FAM83F: variants seen among roughly 807,000 people sequenced by gnomAD.
The protein encoded by FAM83F is protein FAM83F.
Under a neutral mutation model 42.9 loss-of-function variants are expected in FAM83F, and 45 were observed. That is an observed-to-expected ratio of 1.05 (90% CI 0.83 to 1.35). The LOEUF (loss-of-function observed/expected upper bound fraction) is 1.35. FAM83F is among the 40% of genes most tolerant of loss of function. The probability of loss-of-function intolerance (pLI) is 0.00; values close to 1 mark genes in which losing one functional copy is unlikely to be tolerated. For missense variants in FAM83F, 617 were observed against 695.9 expected (o/e 0.89, Z 1.28); for synonymous variants, 306 against 298.3 (o/e 1.03, Z -0.27).
chr22:40,021,884 C>A lies in FAM83F; in HGVS notation c.1374C>A (p.Ser458Arg). The A allele has an allele frequency of 6.2e-7, 1 of 1,605,848 alleles. No homozygotes were observed. ...CTGCGGCGCCCAATGGCATGGCCAG[C>A]TCTGTCTCCACCGAGACCTCTGAAG... The part of the protein sequence containing the change: ...KRPAAPNGMA[S>R]SVSTETSEVE... Residue 458 changes from serine (S) to arginine (R), a missense_variant, in exon 4 of 5, where the codon AGC becomes AGA. Transcript: ENST00000333407. The surrounding 1 kb of genome is among the most constrained non-coding windows in gnomAD (Gnocchi z 8.7).
At position 40,021,926 on chromosome 22, in the gene FAM83F, G is replaced by C. The variant is rs2067525545; in HGVS notation, c.1416G>C (p.Gly472=). 6.3e-7 allele frequency: 1 copy of C among 1,579,442 alleles called. No individual in the cohort carries two copies. The highest frequency in any genetic ancestry group is 8.6e-7 in the Non-Finnish European group (1 of 1,161,444). The change falls in exon 4 of 5, where the codon GGG becomes GGC. Residue 472 remains glycine (G), a synonymous_variant. Transcript: ENST00000333407. This position sits in a 1 kb window ranked among gnomAD's most constrained non-coding sequence, Gnocchi z 8.7. ...TETSEVEFLT[G]KRPNENSSAD... ...CCTCTGAAGTGGAGTTTCTGACGGG[G>C]AAGAGGCCCAACGAGAATTCCAGTG...
At chr22:40,005,063 A>G (rs778292196) in intron 1 of FAM83F, among the ~76,000 whole-genome samples, 1 of 152,164 alleles carries the variant, frequency 6.6e-6, no homozygotes, top group Non-Finnish European at 1.5e-5. Context: ...TGCACTCTCA[A>G]CTTGCCTCCG....
At position 40,029,773 on chromosome 22, in the gene FAM83F, T is replaced by A; in HGVS notation, c.*208T>A. The A allele has an allele frequency of 1.5e-6, 1 of 684,414 alleles. No homozygotes were observed. Among genetic ancestry groups the A allele is most frequent in the Non-Finnish European group, 2.4e-6 (1 of 425,362 alleles). 42.4% of individuals were successfully genotyped at this position (684,414 alleles called of 1,614,324 possible). ...TCACACGCCTCCACCGGACTGTCGG[T>A]GGCTGGGCAGGGGTCAGTGCCACGG... On this transcript the variant is annotated 3_prime_UTR_variant, in exon 5 of 5. Transcript: ENST00000333407.
chr22:40,022,156 C>T (rs2067527190), intron 4 of FAM83F, among the ~76,000 whole-genome samples, 193 bp downstream of exon 4: 1 of 152,200 alleles, frequency 6.6e-6, no homozygotes, highest in Admixed American at 6.5e-5. Flanking sequence ...TGCCTGGAGG[C>T]CTTGGGCAAG....
chr22:40,019,271 A>G lies in FAM83F; in HGVS notation c.593A>G (p.Glu198Gly). ...GTCCCAGTGTACATCATCCTGGACG[A>G]GGCAGGAGTGAAGTATTTCCTGGAG... The part of the protein sequence containing the change: ...RRVPVYIILD[E>G]AGVKYFLEMC... The change falls in exon 2 of 5, where the codon GAG becomes GGG. Residue 198 changes from glutamate (E) to glycine (G), a missense_variant. Transcript: ENST00000333407. 6.2e-7 allele frequency: 1 copy of G among 1,614,140 alleles called. No homozygotes were observed. The highest frequency in any genetic ancestry group is 8.5e-7 in the Non-Finnish European group (1 of 1,180,008).
In FAM83F at chr22:40,021,074, C is replaced by G. The variant is rs2067517169; in HGVS notation, c.780-216C>G. On this transcript the variant is annotated intron_variant, in intron 3 of 4. Coordinates refer to ENST00000333407, the MANE Select transcript of FAM83F (RefSeq NM_138435.4). This position sits in a 1 kb window ranked among gnomAD's most constrained non-coding sequence, Gnocchi z 8.7. ...GCAGGCCTGACTTCCCATGCTCTTTCCCTGCACCCACTGCCTGCTTGCTTC... is the reference window on the plus strand; with the variant it reads ...GCAGGCCTGACTTCCCATGCTCTTTGCCTGCACCCACTGCCTGCTTGCTTC... Among the ~76,000 whole-genome samples the G allele has an allele frequency of 6.6e-6, 1 of 152,240 alleles. No individual in the cohort carries two copies. Among genetic ancestry groups the G allele is most frequent in the African/African-American group, 2.4e-5 (1 of 41,466 alleles).
chr22:40,014,492 CT>C (rs2067484006), intron 1 of FAM83F, among the ~76,000 whole-genome samples: 1 of 152,112 alleles, frequency 6.6e-6, no homozygotes, highest in South Asian at 2.1e-4. Flanking sequence ...TTAGGATAAA[CT>C]TTACTTGCTT....
At position 39,995,607 on chromosome 22, in the gene FAM83F, A is replaced by G; in HGVS notation, c.489+76A>G. On this transcript the variant is annotated intron_variant, in intron 1 of 4. Transcript: ENST00000333407. The surrounding 1 kb of genome is among the most constrained non-coding windows in gnomAD (Gnocchi z 4.6). The stretch of plus-strand genomic sequence containing the variant: ...CTGGACCGGGCCCCACCTCCCAGGC[A>G]GGGCCCGGGGCAGGCCGCCCTGAGC... The G allele has an allele frequency of 2.1e-6, 3 of 1,450,078 alleles. No individual in the cohort carries two copies. Among genetic ancestry groups the G allele is most frequent in the Non-Finnish European group, 2.7e-6 (3 of 1,099,834 alleles). The allele number at this position is 1,450,078 out of a possible 1,614,324, so 89.8% of individuals were successfully genotyped here. A position where few individuals can be genotyped will look rare whatever the true frequency, so the allele number is the denominator to read the frequency against.
chr22:40,002,956 A>G (rs2067409644), intron 1 of FAM83F, among the ~76,000 whole-genome samples: 1 of 152,154 alleles, frequency 6.6e-6, no homozygotes, highest in South Asian at 2.1e-4. Flanking sequence ...AACTCAGAAG[A>G]GGCTGGGGGA....
At chr22:40,002,755 C>G (rs2067408940) in intron 1 of FAM83F, among the ~76,000 whole-genome samples, 1 of 152,182 alleles carries the variant, frequency 6.6e-6, no homozygotes, top group Non-Finnish European at 1.5e-5. Flanking sequence ...GAACCTAGTT[C>G]AAGGCTATGA....
In FAM83F at chr22:40,034,277, A is replaced by T; in HGVS notation, c.*4712A>T. On this transcript the variant is annotated 3_prime_UTR_variant, in exon 5 of 5. Coordinates refer to ENST00000333407, the MANE Select transcript of FAM83F (RefSeq NM_138435.4). ...CCAAAGGACGTAGTGGCTGCTGCTGATCGTCTGCACTGCTGTTCCAGGGGC... is the reference window on the plus strand; with the variant it reads ...CCAAAGGACGTAGTGGCTGCTGCTGTTCGTCTGCACTGCTGTTCCAGGGGC... The T allele has an allele frequency of 6.6e-6, 1 of 152,282 alleles. No individual in the cohort carries two copies. Among genetic ancestry groups the T allele is most frequent in the Non-Finnish European group, 1.5e-5 (1 of 68,086 alleles). 9.4% of individuals were successfully genotyped at this position (152,282 alleles called of 1,614,324 possible).
At chr22:40,027,919 T>G (rs945648516) in intron 4 of FAM83F, among the ~76,000 whole-genome samples, 30 of 151,992 alleles carry the variant, frequency 2.0e-4, no homozygotes, top group African/African-American at 7.3e-4. Flanking sequence ...GGAGGTTGAT[T>G]TGCTTACCTG....
chr22:40,030,735 G>T lies in FAM83F; in HGVS notation c.*1170G>T, dbSNP rs1363272071. 6.6e-6 allele frequency: 1 copy of T among 152,320 alleles called. No homozygotes were observed. Among genetic ancestry groups the T allele is most frequent in the Non-Finnish European group, 1.5e-5 (1 of 68,122 alleles). The allele number at this position is 152,320 out of a possible 1,614,324, so 9.4% of individuals were successfully genotyped here. A position where few individuals can be genotyped will look rare whatever the true frequency, so the allele number is the denominator to read the frequency against. ...TGGACCTGGGAGAAATTGCCAAACTGCAGACTCTGTGAGCCGGCCCTGCCG... is the reference window on the plus strand; with the variant it reads ...TGGACCTGGGAGAAATTGCCAAACTTCAGACTCTGTGAGCCGGCCCTGCCG... On this transcript the variant is annotated 3_prime_UTR_variant, in exon 5 of 5. Transcript: ENST00000333407.
At chr22:40,003,411 C>T (rs751525710) in intron 1 of FAM83F, among the ~76,000 whole-genome samples, 3 of 152,128 alleles carry the variant, frequency 2.0e-5, no homozygotes, top group Non-Finnish European at 4.4e-5. Context: ...CCAGATCTGC[C>T]TCCCTTTTCT....
At chr22:40,003,601 G>A (rs980309743) in intron 1 of FAM83F, among the ~76,000 whole-genome samples, 1 of 151,996 alleles carries the variant, frequency 6.6e-6, no homozygotes, top group African/African-American at 2.4e-5. Context: ...ATCCCTGCCT[G>A]CCCCCACCCC....
chr22:39,999,870 C>T (rs1218609987), intron 1 of FAM83F, among the ~76,000 whole-genome samples: 2 of 152,194 alleles, frequency 1.3e-5, no homozygotes, highest in Non-Finnish European at 2.9e-5. Context: ...ATGGGTTTGT[C>T]CCTTTTCCTT....
chr22:40,002,161 G>A (rs891168959), intron 1 of FAM83F, among the ~76,000 whole-genome samples: 1 of 152,182 alleles, frequency 6.6e-6, no homozygotes, highest in African/African-American at 2.4e-5. Flanking sequence ...TAAAGCGGGG[G>A]TCCCCTGAGG....
chr22:40,017,649 G>T (rs1190770978), intron 1 of FAM83F, among the ~76,000 whole-genome samples: 1 of 152,236 alleles, frequency 6.6e-6, no homozygotes, highest in Non-Finnish European at 1.5e-5. Flanking sequence ...GTGGCATGGG[G>T]ATACCAGCCT....
At chr22:40,020,951 T>C (rs1185744721) in intron 3 of FAM83F, among the ~76,000 whole-genome samples, 2 of 152,230 alleles carry the variant, frequency 1.3e-5, no homozygotes, top group African/African-American at 4.8e-5. Context: ...AAATGTTTTA[T>C]ATGAGTTACT....
Sources: allele counts gnomAD v4.1 joint callset (sites outside exome capture counted in the v4.1 genomes callset), GRCh38; gene constraint gnomAD v4.1.1; non-coding constraint Gnocchi (gnomAD v3.1); transcripts MANE v1.5; gene names NCBI Gene and HGNC (gene_info 2026-07-23, HGNC 2026-07-21).